Variants in TNNI3K observed in about 807,000 individuals in gnomAD.
The protein encoded by TNNI3K is serine/threonine-protein kinase TNNI3K.
Under a neutral mutation model 114.5 loss-of-function variants are expected in TNNI3K, and 140 were observed. The observed-to-expected ratio is 1.22, with a 90% CI of 1.07 to 1.41. TNNI3K has a LOEUF of 1.41. Among genes scored for constraint, TNNI3K ranks in the 40% most tolerant of loss-of-function variants. The pLI, the probability that TNNI3K is intolerant of heterozygous loss-of-function variation, is 0.00. For synonymous variants in TNNI3K, 347 were observed against 347.5 expected (o/e 1.00, Z 0.02); for missense variants, 1,125 against 1,007.6 (o/e 1.12, Z -1.58).
At chr1:74,518,532 A>G (rs1052344513) in intron 23 of TNNI3K, among the ~76,000 whole-genome samples, 10 of 152,034 alleles carry the variant, frequency 6.6e-5, no homozygotes, top group African/African-American at 2.4e-4. Flanking sequence ...GGGTGGCTCT[A>G]TGGTTCCCAC....
chr1:74,282,012 G>T (rs184977476), intron 5 of TNNI3K, among the ~76,000 whole-genome samples: 1 of 152,048 alleles, frequency 6.6e-6, no homozygotes, highest in Non-Finnish European at 1.5e-5. Context: ...ATTGGTCATG[G>T]TACATTATTC....
chr1:74,327,470 GTAT>G (rs1659970663), intron 5 of TNNI3K, among the ~76,000 whole-genome samples: 3 of 146,202 alleles, frequency 2.1e-5, no homozygotes, highest in East Asian at 2.0e-4. Context: ...ATATATCTCA[GTAT>G]TATTCTTATA....
chr1:74,444,832 A>G (rs1311876644), intron 20 of TNNI3K, among the ~76,000 whole-genome samples: 4 of 151,832 alleles, frequency 2.6e-5, no homozygotes, highest in Non-Finnish European at 4.4e-5. Flanking sequence ...AAAAAAAAAG[A>G]CACATAGACC....
chr1:74,367,383 A>G (rs1382380979), intron 12 of TNNI3K, 41 bp downstream of exon 12: 1 of 1,602,586 alleles, frequency 6.2e-7, no homozygotes, highest in Non-Finnish European at 8.5e-7. Flanking sequence ...TGTATAATAT[A>G]TTGTGCCTAA....
At chr1:74,523,708 G>C (rs1646465471) in intron 23 of TNNI3K, among the ~76,000 whole-genome samples, 1 of 152,158 alleles carries the variant, frequency 6.6e-6, no homozygotes, top group South Asian at 2.1e-4. Context: ...CCTATTTGTT[G>C]GTAATTGCTA....
At chr1:74,414,283 G>C (rs1489232104) in intron 17 of TNNI3K, among the ~76,000 whole-genome samples, 3 of 152,164 alleles carry the variant, frequency 2.0e-5, no homozygotes, top group Non-Finnish European at 4.4e-5. Context: ...TGTGATGTAA[G>C]AGTCTAATAG....
intron 23 of TNNI3K, among the ~76,000 whole-genome samples, chr1:74,533,571 C>A (rs1159758558): frequency 6.6e-6 from 1 of 152,094 alleles, no homozygotes; most frequent in East Asian, 1.9e-4. Flanking sequence ...GGTATATACC[C>A]AAAGGACTAT....
intron 17 of TNNI3K, among the ~76,000 whole-genome samples, chr1:74,393,387 T>A (rs1663898096): frequency 6.6e-6 from 1 of 152,042 alleles, no homozygotes; most frequent in Admixed American, 6.6e-5. Flanking sequence ...AAAGAAAAAT[T>A]TATATGGGCC....
intron 4 of TNNI3K, among the ~76,000 whole-genome samples, chr1:74,259,794 A>T (rs946297930): frequency 6.6e-6 from 1 of 152,116 alleles, no homozygotes; most frequent in Non-Finnish European, 1.5e-5. Context: ...ACAAACAAAC[A>T]AAAAACTAAT....
Position 74,489,181 on chromosome 1 carries a change from A to T in TNNI3K, c.2122-8A>T. The T allele has an allele frequency of 6.2e-7, 1 of 1,606,574 alleles. No homozygotes were observed. Among genetic ancestry groups the T allele is most frequent in the Non-Finnish European group, 8.5e-7 (1 of 1,177,534 alleles). ...TTAAGGGAAAAAAGTTCTTTTTTCT[A>T]TTTACAGGGAAGACCCGAATTTTCT... On this transcript the variant is annotated splice_polypyrimidine_tract_variant and splice_region_variant and intron_variant, in intron 21 of 24. Transcript: ENST00000326637.
intron 2 of TNNI3K, among the ~76,000 whole-genome samples, chr1:74,243,060 CT>C (rs1654345941): frequency 6.6e-6 from 1 of 152,038 alleles, no homozygotes; most frequent in Admixed American, 6.6e-5. Context: ...ATAGAAATAA[CT>C]ATTATAGCAG....
chr1:74,369,332 C>T, intron 15 of TNNI3K, 59 bp from the exon 16 acceptor site: 1 of 1,606,284 alleles, frequency 6.2e-7, no homozygotes, highest in Admixed American at 1.7e-5. Context: ...ATGTGCATGG[C>T]AAGCCCCTTG....
chr1:74,473,521 T>C (rs960125827), intron 21 of TNNI3K, among the ~76,000 whole-genome samples: 2 of 132,518 alleles, frequency 1.5e-5, no homozygotes, highest in Admixed American at 1.6e-4. Context: ...ACTATTGCTA[T>C]TTAAAAGGCT....
intron 4 of TNNI3K, among the ~76,000 whole-genome samples, chr1:74,265,170 T>C (rs1297661304): frequency 6.6e-6 from 1 of 152,008 alleles, no homozygotes; most frequent in South Asian, 2.1e-4. Flanking sequence ...GAATGCCAAT[T>C]GGGTTCTCTA....
At chr1:74,345,331 C>G (rs995212367) in intron 9 of TNNI3K, among the ~76,000 whole-genome samples, 1 of 152,010 alleles carries the variant, frequency 6.6e-6, no homozygotes, top group African/African-American at 2.4e-5. Context: ...AGGATTCTTT[C>G]AGTCCTTAAA....
chr1:74,506,896 A>C (rs1045056153), intron 23 of TNNI3K, among the ~76,000 whole-genome samples: 3 of 152,106 alleles, frequency 2.0e-5, no homozygotes, highest in Non-Finnish European at 4.4e-5. Flanking sequence ...GAAAAGATTT[A>C]TCTATCTTAA....
intron 4 of TNNI3K, among the ~76,000 whole-genome samples, chr1:74,258,220 CCAGCT>C (rs1271123469): frequency 4.6e-5 from 7 of 152,120 alleles, no homozygotes; most frequent in African/African-American, 1.7e-4. Flanking sequence ...CTTGTGCAGC[CCAGCT>C]CAACAATACA....
chr1:74,312,384 T>C (rs1489329178), intron 5 of TNNI3K, among the ~76,000 whole-genome samples: 1 of 152,212 alleles, frequency 6.6e-6, no homozygotes, highest in African/African-American at 2.4e-5. Context: ...AATGCTTTTG[T>C]TCAGGATACA....
At chr1:74,459,766 A>G (rs1392939103) in intron 20 of TNNI3K, among the ~76,000 whole-genome samples, 1 of 152,158 alleles carries the variant, frequency 6.6e-6, no homozygotes, top group Non-Finnish European at 1.5e-5. Flanking sequence ...AACATACACA[A>G]TCTCCATTCA....
Sources: allele counts gnomAD v4.1 joint callset (sites outside exome capture counted in the v4.1 genomes callset), GRCh38; gene constraint gnomAD v4.1.1; transcripts MANE v1.5; gene names NCBI Gene and HGNC (gene_info 2026-07-23, HGNC 2026-07-21).